TRIM5: variants seen among roughly 807,000 people sequenced by gnomAD.
The protein encoded by TRIM5 is tripartite motif-containing protein 5.
TRIM5 carries 31 observed loss-of-function variants against 35.6 expected under a neutral mutation model. The ratio of observed to expected loss-of-function variants is 0.87; its 90% CI spans 0.65 to 1.18. TRIM5 has a LOEUF of 1.18. Ranked by LOEUF, TRIM5 falls within the 50% of genes most tolerant of loss-of-function variation. TRIM5 has a pLI of 0.00. For synonymous variants in TRIM5, 243 were observed against 215.6 expected (o/e 1.13, Z -1.11); for missense variants, 609 against 591.6 (o/e 1.03, Z -0.31).
the TRIM5 span, among the ~76,000 whole-genome samples, chr11:5,614,464 CTG>C: frequency 1.3e-5 from 2 of 152,212 alleles, no homozygotes; most frequent in Admixed American, 6.5e-5. Flanking sequence ...CTAAACCTAA[CTG>C]TAAAGATTTT....
the TRIM5 span, among the ~76,000 whole-genome samples, chr11:5,622,183 C>G: frequency 1.3e-5 from 2 of 152,206 alleles, no homozygotes; most frequent in Admixed American, 6.5e-5. Flanking sequence ...CGGTGGCTCA[C>G]ACCTGTAATC....
At chr11:5,666,905 A>G (rs1020708481) in intron 5 of TRIM5, among the ~76,000 whole-genome samples, 1 of 152,248 alleles carries the variant, frequency 6.6e-6, no homozygotes, top group African/African-American at 2.4e-5. Flanking sequence ...GGAAATCTAA[A>G]TATAAATGAA....
intron 4 of TRIM5, among the ~76,000 whole-genome samples, chr11:5,677,682 G>A (rs1317803084): frequency 1.3e-5 from 2 of 152,178 alleles, no homozygotes; most frequent in Non-Finnish European, 2.9e-5. Flanking sequence ...GCCCTCCTGG[G>A]CCTCCCAAAG....
intron 7 of TRIM5, 76 bp downstream of exon 7, chr11:5,665,580 C>G (rs575235627): frequency 6.3e-7 from 1 of 1,583,792 alleles, no homozygotes; most frequent in African/African-American, 1.4e-5. Context: ...TAATAGAGAA[C>G]ATAAAATTCT....
rs149864129 is a variant in TRIM5 at position 5,664,906 on chromosome 11, T to C, written c.1385A>G (p.Tyr462Cys). The C allele has an allele frequency of 2.1e-5, 34 of 1,613,888 alleles. No individual in the cohort carries two copies. The highest frequency in any genetic ancestry group is 8.8e-5 in the South Asian group (8 of 91,080). ...AGAAAAAGAACAGTGAGAAAACTTA[T>C]AGATGAGAAATCCATGGTTTGTGAT... ...FNITNHGFLIYKFSHCSFSQP... is the reference protein window; with the variant it reads ...FNITNHGFLICKFSHCSFSQP... The change falls in exon 8 of 8, where the codon TAT (tyrosine) becomes TGT (cysteine). Residue 462 changes from tyrosine (Y) to cysteine (C), a missense_variant. By Grantham distance (194) the Tyr-to-Cys change is radical. Coordinates refer to ENST00000380034, the MANE Select transcript of TRIM5 (RefSeq NM_033034.3).
the TRIM5 span, among the ~76,000 whole-genome samples, chr11:5,627,271 T>G: frequency 6.6e-6 from 1 of 151,770 alleles, no homozygotes; most frequent in Admixed American, 6.6e-5. Context: ...TCCCAGCTAC[T>G]CGGGAGGCTG....
At chr11:5,643,149 G>A in the TRIM5 span, 3 of 1,500,012 alleles carry the variant, frequency 2.0e-6, no homozygotes, top group Non-Finnish European at 2.7e-6. Context: ...TGCAGTGGAT[G>A]TCACACTGAA....
chr11:5,630,107 T>G, the TRIM5 span, among the ~76,000 whole-genome samples: 4 of 152,302 alleles, frequency 2.6e-5, no homozygotes, highest in Admixed American at 2.0e-4. Flanking sequence ...TTGATTCCCT[T>G]GTAAAGACCA....
chr11:5,630,023 G>A, the TRIM5 span, among the ~76,000 whole-genome samples: 2 of 152,014 alleles, frequency 1.3e-5, no homozygotes, highest in South Asian at 2.1e-4. Flanking sequence ...GGATTCTTAC[G>A]GTGGTACAAG....
At chr11:5,684,166 A>T (rs1852823937) in intron 1 of TRIM5, 1 of 174,904 alleles carries the variant, frequency 5.7e-6, no homozygotes, top group Non-Finnish European at 1.2e-5. Context: ...CCAAGAACCC[A>T]CCAATTCCGG....
At chr11:5,627,275 G>T in the TRIM5 span, among the ~76,000 whole-genome samples, 1 of 152,064 alleles carries the variant, frequency 6.6e-6, no homozygotes, top group African/African-American at 2.4e-5. Flanking sequence ...AGCTACTCGG[G>T]AGGCTGAGGC....
the TRIM5 span, among the ~76,000 whole-genome samples, chr11:5,630,899 C>T: frequency 3.9e-5 from 6 of 152,150 alleles, no homozygotes; most frequent in East Asian, 5.8e-4. Context: ...ATTTTAATCA[C>T]GGAAGATAAT....
the TRIM5 span, among the ~76,000 whole-genome samples, chr11:5,637,204 G>A: frequency 6.6e-6 from 1 of 152,124 alleles, no homozygotes; most frequent in Non-Finnish European, 1.5e-5. Context: ...TGTATTTGTG[G>A]TATGTCTCCT....
chr11:5,596,990 T>G, the TRIM5 span: 1 of 1,605,702 alleles, frequency 6.2e-7, no homozygotes, highest in South Asian at 1.1e-5. Context: ...AGAGATAAGG[T>G]CCTTTCCCTT....
At chr11:5,598,749 G>A in the TRIM5 span, among the ~76,000 whole-genome samples, 77 of 152,266 alleles carry the variant, frequency 5.1e-4, no homozygotes, top group African/African-American at 1.7e-3. Context: ...ATTATGCTTA[G>A]AAGATCAGAA....
chr11:5,628,506 T>C, the TRIM5 span, among the ~76,000 whole-genome samples: 1 of 152,204 alleles, frequency 6.6e-6, no homozygotes, highest in Non-Finnish European at 1.5e-5. Context: ...GCCAGTCAAC[T>C]TTCAGCTTTT....
At chr11:5,673,501 C>A (rs1314019727) in intron 4 of TRIM5, among the ~76,000 whole-genome samples, 1 of 152,060 alleles carries the variant, frequency 6.6e-6, no homozygotes, top group Non-Finnish European at 1.5e-5. Flanking sequence ...CAATAATTTA[C>A]TCTCAGTAAT....
chr11:5,671,125 C>A (rs1851557281), intron 4 of TRIM5, among the ~76,000 whole-genome samples: 1 of 151,986 alleles, frequency 6.6e-6, no homozygotes, highest in African/African-American at 2.4e-5. Flanking sequence ...AGTCTGGGGT[C>A]TGAGGTGAGG....
At chr11:5,632,784 A>G in the TRIM5 span, 3 of 1,529,830 alleles carry the variant, frequency 2.0e-6, no homozygotes, top group Non-Finnish European at 2.6e-6. Context: ...GAGATGGGGC[A>G]GAAGATGGTA....
Sources: gnomAD v4.1 joint callset for allele counts (sites outside exome capture counted in the v4.1 genomes callset) on GRCh38, gnomAD v4.1.1 for gene constraint, MANE v1.5 for transcripts, NCBI Gene and HGNC (gene_info 2026-07-23, HGNC 2026-07-21) for gene names.